WFDC1: variants seen among roughly 807,000 people sequenced by gnomAD.
WFDC1 encodes WAP four-disulfide core domain 1, also known as WAP four-disulfide core domain protein 1.
In WFDC1, 39 loss-of-function variants were observed where a neutral mutation model predicts 32.9. That is an observed-to-expected ratio of 1.19 (90% CI 0.92 to 1.55). The LOEUF is 1.55. WFDC1 is among the 40% of genes most tolerant of loss of function. The pLI, the probability that WFDC1 is intolerant of heterozygous loss-of-function variation, is 0.00. For synonymous variants in WFDC1, 184 were observed against 137.4 expected (o/e 1.34, Z -2.37); for missense variants, 386 against 309.5 (o/e 1.25, Z -1.85).
intron 6 of WFDC1, chr16:84,327,912 C>T (rs1004948930): frequency 1.3e-5 from 2 of 152,316 alleles, no homozygotes; most frequent in African/African-American, 4.8e-5. Context: ...AGGGAGGCCA[C>T]ATCCTGGTAG....
At chr16:84,309,437 T>C (rs1354510593) in intron 1 of WFDC1, among the ~76,000 whole-genome samples, 1 of 151,780 alleles carries the variant, frequency 6.6e-6, no homozygotes, top group African/African-American at 2.4e-5. Context: ...GGAGAATGGA[T>C]GGATTTGGAG....
At chr16:84,308,824 A>AGTGTAGATGCCAGCCTGG (rs368043327) in intron 1 of WFDC1, among the ~76,000 whole-genome samples, 22 of 150,240 alleles carry the variant, frequency 1.5e-4, no homozygotes, top group African/African-American at 5.4e-4. Flanking sequence ...TGCCATCCTC[A>AGTGTAGATGCCAGCCTGG]GTGTAGATGC....
intron 5 of WFDC1, among the ~76,000 whole-genome samples, 171 bp downstream of exon 5, chr16:84,324,631 G>A (rs75209384): frequency 6.6e-6 from 1 of 152,224 alleles, no homozygotes; most frequent in African/African-American, 2.4e-5. Flanking sequence ...GCAGGGAGTT[G>A]TGAGTCACAG....
chr16:84,315,005 A>G (rs1321957213), intron 2 of WFDC1, among the ~76,000 whole-genome samples: 1 of 152,264 alleles, frequency 6.6e-6, no homozygotes. Context: ...ACTGAAGCTC[A>G]GAGAAGCTGA....
chr16:84,319,334 C>G (rs1435874545), intron 3 of WFDC1, 97 bp from the exon 4 acceptor site: 12 of 1,517,520 alleles, frequency 7.9e-6, no homozygotes, highest in Non-Finnish European at 9.8e-6. Flanking sequence ...GAGGTGCGTT[C>G]CCTGCACCCG....
In WFDC1 at chr16:84,326,901, G is replaced by A; in HGVS notation, c.624G>A (p.Val208=). The A allele has an allele frequency of 6.2e-7, 1 of 1,614,084 alleles. No homozygotes were observed. The highest frequency in any genetic ancestry group is 1.1e-5 in the South Asian group (1 of 91,082). ...TCACAGAAGGTGACTCAAAGAATGTGGCAGAACCTGGAAGGGGACAACAGA... is the reference window on the plus strand; with the variant it reads ...TCACAGAAGGTGACTCAAAGAATGTAGCAGAACCTGGAAGGGGACAACAGA... ...KEYPEGDSKN[V]AEPGRGQQKH... is the part of the protein sequence containing the mutation. Residue 208 remains valine (V), a synonymous_variant, in exon 6 of 7, where the codon GTG becomes GTA. Transcript: ENST00000219454.
intron 1 of WFDC1, among the ~76,000 whole-genome samples, chr16:84,301,032 C>T (rs1026276073): frequency 4.0e-5 from 6 of 151,636 alleles, no homozygotes; most frequent in African/African-American, 1.5e-4. Flanking sequence ...GAGAGAAGGC[C>T]ATGCAAAGAC....
chr16:84,314,183 G>A (rs1485233444), intron 2 of WFDC1, among the ~76,000 whole-genome samples: 1 of 152,230 alleles, frequency 6.6e-6, no homozygotes, highest in Non-Finnish European at 1.5e-5. Context: ...CTCTCGGGGA[G>A]AAACAATGTT....
In WFDC1 at chr16:84,297,634, A is replaced by C. The variant is rs1007455863; in HGVS notation, c.144+2519A>C. On this transcript the variant is annotated intron_variant, in intron 1 of 6. Transcript: ENST00000219454. ...CTCTGTCTCAAAAAAAAAAAAAAAA[A>C]AAAAAAAAAAAAACTGTGCCTCAGA... Among the ~76,000 whole-genome samples the C allele has an allele frequency of 6.7e-4, 100 of 148,502 alleles. 1 individual carries two copies. The highest frequency in any genetic ancestry group is 9.7e-4 in the East Asian group (5 of 5,140).
intron 4 of WFDC1, among the ~76,000 whole-genome samples, chr16:84,324,062 G>A (rs1391592042): frequency 6.6e-6 from 1 of 152,122 alleles, no homozygotes; most frequent in African/African-American, 2.4e-5. Context: ...AGAGGTTACA[G>A]TGAGCTGAGA....
chr16:84,299,681 A>G (rs1906820392), intron 1 of WFDC1, among the ~76,000 whole-genome samples: 1 of 152,144 alleles, frequency 6.6e-6, no homozygotes, highest in Non-Finnish European at 1.5e-5. Context: ...CCTCGGTGCT[A>G]TGCAGCCCCT....
At chr16:84,327,411 C>T (rs1463898034) in intron 6 of WFDC1, 1 of 159,208 alleles carries the variant, frequency 6.3e-6, no homozygotes, top group East Asian at 1.8e-4. Flanking sequence ...GTTACTCAGG[C>T]TGGTCTTGAA....
chr16:84,312,390 T>C (rs1907684110), intron 1 of WFDC1, among the ~76,000 whole-genome samples: 1 of 152,096 alleles, frequency 6.6e-6, no homozygotes, highest in African/African-American at 2.4e-5. Context: ...GAGCTGCAAA[T>C]ATAAGTGGAA....
intron 2 of WFDC1, chr16:84,317,416 G>T (rs1908026986): frequency 6.6e-6 from 1 of 152,164 alleles, no homozygotes; most frequent in Admixed American, 6.5e-5. Flanking sequence ...GGAAATGACT[G>T]GTCAGGGCTA....
intron 4 of WFDC1, among the ~76,000 whole-genome samples, chr16:84,324,115 G>A (rs527360201): frequency 7.6e-4 from 58 of 76,486 alleles, no homozygotes; most frequent in Non-Finnish European, 1.3e-3. Context: ...GTGAGACTTC[G>A]TCTAAAAGAA....
intron 1 of WFDC1, among the ~76,000 whole-genome samples, chr16:84,296,666 C>T (rs916506617): frequency 4.6e-5 from 7 of 152,014 alleles, no homozygotes; most frequent in Non-Finnish European, 7.4e-5. Context: ...AGGAGGACTT[C>T]GAGAAGTGGA....
intron 2 of WFDC1, chr16:84,316,630 A>C (rs1179593766): frequency 1.3e-5 from 2 of 152,052 alleles, no homozygotes; most frequent in African/African-American, 4.8e-5. Flanking sequence ...ATTAGTAAAA[A>C]AAGTTTTAAA....
intron 2 of WFDC1, among the ~76,000 whole-genome samples, chr16:84,313,679 C>T (rs958103155): frequency 1.3e-5 from 2 of 152,208 alleles, no homozygotes; most frequent in African/African-American, 4.8e-5. Context: ...CTTCTCATGC[C>T]TGGCCCTGGG....
chr16:84,313,936 G>T (rs2151375840), intron 2 of WFDC1, among the ~76,000 whole-genome samples: 1 of 152,318 alleles, frequency 6.6e-6, no homozygotes, highest in South Asian at 2.1e-4. Context: ...CAGCTACTTG[G>T]GAGACTGAGG....
Sources: gnomAD v4.1 joint callset for allele counts (sites outside exome capture counted in the v4.1 genomes callset) on GRCh38, gnomAD v4.1.1 for gene constraint, MANE v1.5 for transcripts, NCBI Gene and HGNC (gene_info 2026-07-23, HGNC 2026-07-21) for gene names.